Variants in ARID5B observed in about 807,000 individuals in gnomAD.
The protein encoded by ARID5B is AT-rich interactive domain-containing protein 5B.
ARID5B carries 13 observed loss-of-function variants against 97.2 expected under a neutral mutation model. The ratio of observed to expected loss-of-function variants is 0.13; its 90% CI spans 0.09 to 0.21. ARID5B has a LOEUF of 0.21. ARID5B is among the 10% of genes least tolerant of loss of function. The pLI is 1.00. For missense variants in ARID5B, 1,210 were observed against 1,465.3 expected (o/e 0.83, Z 2.84); for synonymous variants, 556 against 570.3 (o/e 0.97, Z 0.36).
chr10:61,975,574 C>G (rs553657670), intron 3 of ARID5B, among the ~76,000 whole-genome samples: 1 of 152,070 alleles, frequency 6.6e-6, no homozygotes, highest in East Asian at 1.9e-4. Flanking sequence ...TACCAGTAAA[C>G]TGGGTATAAG....
At chr10:62,048,389 T>C (rs913537375) in intron 4 of ARID5B, among the ~76,000 whole-genome samples, 16 of 152,080 alleles carry the variant, frequency 1.1e-4, no homozygotes, top group Non-Finnish European at 4.4e-5. Context: ...ATATGTTCCA[T>C]AAGAGAAGGA....
intron 3 of ARID5B, among the ~76,000 whole-genome samples, chr10:61,992,243 G>A (rs948359046): frequency 2.1e-4 from 32 of 152,106 alleles, no homozygotes; most frequent in Non-Finnish European, 4.3e-4. Flanking sequence ...GAACCCTATG[G>A]CAATAAGCTG....
In ARID5B at chr10:62,087,298, CAAAA is replaced by C. The variant is rs71299289; in HGVS notation, c.1398+1415_1398+1418del. ...TGGGTGACAGAGAGAGACTCTATCT[CAAAA>C]AAAAAAAAAAAAAAAAGGAAAAAAG... On this transcript the variant is annotated intron_variant, in intron 9 of 9. Coordinates refer to ENST00000279873, the MANE Select transcript of ARID5B (RefSeq NM_032199.3). Among the ~76,000 whole-genome samples the C allele has an allele frequency of 4.2e-4, 17 of 40,930 alleles. 1 individual carries two copies. The highest frequency in any genetic ancestry group is 3.2e-3 in the East Asian group (4 of 1,264). The allele number at this position is 40,930 out of a possible 152,430, so 26.9% of individuals were successfully genotyped here.
chr10:62,057,442 C>T, intron 6 of ARID5B, 124 bp downstream of exon 6: 4 of 996,024 alleles, frequency 4.0e-6, no homozygotes, highest in Non-Finnish European at 4.4e-6. Context: ...TCTGTTTATA[C>T]TAAATCCATA....
chr10:62,042,109 GA>G (rs1839645473), intron 4 of ARID5B, among the ~76,000 whole-genome samples: 1 of 151,628 alleles, frequency 6.6e-6, no homozygotes, highest in African/African-American at 2.4e-5. Context: ...ACAGCCTTAA[GA>G]AAAAAAGACA....
chr10:62,009,631 C>T (rs1839191600), intron 4 of ARID5B, among the ~76,000 whole-genome samples: 1 of 152,180 alleles, frequency 6.6e-6, no homozygotes, highest in Non-Finnish European at 1.5e-5. Flanking sequence ...AAGGGGCATG[C>T]TTTTCTGCTA....
intron 2 of ARID5B, among the ~76,000 whole-genome samples, chr10:61,935,166 C>A (rs1844277661): frequency 6.6e-6 from 1 of 152,124 alleles, no homozygotes; most frequent in African/African-American, 2.4e-5. Context: ...CTTGGCACAA[C>A]TTGCTTCCCA....
chr10:61,996,693 A>G (rs1360570319), intron 3 of ARID5B, among the ~76,000 whole-genome samples: 11 of 152,124 alleles, frequency 7.2e-5, no homozygotes, highest in Admixed American at 7.2e-4. Flanking sequence ...TAGCATTAAT[A>G]CTTGCTTTCT....
intron 4 of ARID5B, among the ~76,000 whole-genome samples, chr10:62,043,911 T>A (rs1290412227): frequency 6.6e-6 from 1 of 152,212 alleles, no homozygotes; most frequent in Non-Finnish European, 1.5e-5. Context: ...GTTTTGGACT[T>A]AAACTGCCCA....
intron 2 of ARID5B, among the ~76,000 whole-genome samples, chr10:61,903,443 T>C (rs1331445790): frequency 6.6e-6 from 1 of 152,160 alleles, no homozygotes; most frequent in Non-Finnish European, 1.5e-5. Context: ...CCTCCTCAGC[T>C]GACCGACCTC....
intron 3 of ARID5B, among the ~76,000 whole-genome samples, chr10:61,955,318 A>G (rs1044056286): frequency 2.6e-5 from 4 of 152,208 alleles, no homozygotes; most frequent in Admixed American, 2.6e-4. Context: ...CTGGCAATTA[A>G]GTGTTTATTA....
rs115255139 is a variant in ARID5B, at chr10:61,913,690, C to A, written c.276+11277C>A. On this transcript the variant is annotated intron_variant, in intron 2 of 9. Coordinates refer to ENST00000279873, the MANE Select transcript of ARID5B (RefSeq NM_032199.3). ...GTGCATGGTGCCATGGGGGACATCA[C>A]TTTTATAAAACAACTCATGGAGAGT... is the stretch of plus-strand genomic sequence containing the variant. Among the ~76,000 whole-genome samples, 426 of 152,288 alleles carry A rather than the reference C, an allele frequency of 2.8e-3. 5 individuals are homozygous for A. The highest frequency in any genetic ancestry group is 9.8e-3 in the African/African-American group (409 of 41,558).
chr10:62,049,231 G>A (rs1020858782), intron 4 of ARID5B: 2 of 1,365,180 alleles, frequency 1.5e-6, no homozygotes, highest in Admixed American at 6.7e-5. Context: ...CTGCCAGTCT[G>A]GCAACTCCAG....
intron 2 of ARID5B, among the ~76,000 whole-genome samples, chr10:61,938,609 G>A (rs898227825): frequency 2.6e-5 from 4 of 152,088 alleles, no homozygotes; most frequent in African/African-American, 4.8e-5. Flanking sequence ...GAAATCATCC[G>A]TTGAAATGGT....
chr10:62,070,932 A>G (rs1287449131), intron 8 of ARID5B, among the ~76,000 whole-genome samples: 1 of 152,162 alleles, frequency 6.6e-6, no homozygotes, highest in Non-Finnish European at 1.5e-5. Flanking sequence ...GTCCTAGTAC[A>G]AAGTAGCACT....
At chr10:62,059,323 T>C (rs1362623175) in intron 7 of ARID5B, 28 bp downstream of exon 7, 1 of 1,601,456 alleles carries the variant, frequency 6.2e-7, no homozygotes, top group Admixed American at 1.7e-5. Context: ...TTAAATGAAA[T>C]AATTTTGCAA....
At chr10:61,908,799 C>CAAAAAAAAAAAA (rs369792859) in intron 2 of ARID5B, among the ~76,000 whole-genome samples, 2 of 50,990 alleles carry the variant, frequency 3.9e-5, no homozygotes, top group Non-Finnish European at 3.5e-5. Context: ...GACTCCATCT[C>CAAAAAAAAAAAA]AAAAAAAAAA....
chr10:62,031,217 G>C (rs1419728347), intron 4 of ARID5B, among the ~76,000 whole-genome samples: 1 of 152,190 alleles, frequency 6.6e-6, no homozygotes, highest in Non-Finnish European at 1.5e-5. Context: ...CTGCATGACA[G>C]AGCGAGACTC....
At chr10:61,919,115 T>C (rs1308741644) in intron 2 of ARID5B, among the ~76,000 whole-genome samples, 1 of 130,638 alleles carries the variant, frequency 7.7e-6, no homozygotes, top group African/African-American at 2.9e-5. Context: ...TTAACTGAGA[T>C]AGGAGTAGAT....
Sources: allele counts gnomAD v4.1 joint callset (sites outside exome capture counted in the v4.1 genomes callset), GRCh38; gene constraint gnomAD v4.1.1; transcripts MANE v1.5; gene names NCBI Gene and HGNC (gene_info 2026-07-23, HGNC 2026-07-21).